NTM: variants seen among roughly 807,000 people sequenced by gnomAD.
The protein encoded by NTM is neurotrimin.
Under a neutral mutation model 42.1 loss-of-function variants are expected in NTM, and 13 were observed. The observed-to-expected ratio is 0.31, with a 90% CI of 0.20 to 0.49. The LOEUF (loss-of-function observed/expected upper bound fraction) is 0.49. NTM is among the 20% of genes least tolerant of loss of function. NTM has a pLI of 0.99. For missense variants in NTM, 373 were observed against 452.8 expected, an observed-to-expected ratio of 0.82 and a Z score of 1.60; for synonymous variants, 187 against 179.2, an observed-to-expected ratio of 1.04 and a Z score of -0.35.
chr11:131,528,856 G>A (rs887129552), intron 1 of NTM, among the ~76,000 whole-genome samples: 10 of 152,160 alleles, frequency 6.6e-5, no homozygotes, highest in Non-Finnish European at 2.9e-5. Context: ...CACACTTGAT[G>A]TTTAGACATT....
intron 1 of NTM, among the ~76,000 whole-genome samples, chr11:131,599,959 T>G (rs1479885764): frequency 6.6e-6 from 1 of 152,224 alleles, no homozygotes; most frequent in Non-Finnish European, 1.5e-5. Flanking sequence ...AGACAACAAT[T>G]GTTATAAACA....
chr11:131,569,464 T>A (rs1439088950), intron 1 of NTM, among the ~76,000 whole-genome samples: 8 of 152,330 alleles, frequency 5.3e-5, no homozygotes, highest in African/African-American at 1.7e-4. Context: ...GCTTTCTGTC[T>A]TTATAAATTT....
At chr11:131,805,496 TA>T (rs2092429387) in intron 1 of NTM, among the ~76,000 whole-genome samples, 1 of 152,218 alleles carries the variant, frequency 6.6e-6, no homozygotes, top group African/African-American at 2.4e-5. Flanking sequence ...CCGATTATAT[TA>T]GAATTTGGAT....
chr11:132,055,285 C>T (rs2135961556), intron 2 of NTM, among the ~76,000 whole-genome samples: 1 of 152,304 alleles, frequency 6.6e-6, no homozygotes, highest in Non-Finnish European at 1.5e-5. Flanking sequence ...TTTCACCTCT[C>T]AAAGACACTG....
intron 1 of NTM, among the ~76,000 whole-genome samples, chr11:131,551,407 G>T (rs2136913244): frequency 6.6e-6 from 1 of 151,696 alleles, no homozygotes; most frequent in East Asian, 1.9e-4. Context: ...TGGAAACACT[G>T]GGAGAGGTTC....
chr11:132,181,601 G>T (rs933637572), intron 3 of NTM, among the ~76,000 whole-genome samples: 13 of 152,184 alleles, frequency 8.5e-5, no homozygotes, highest in African/African-American at 3.1e-4. Context: ...AATTGACAGA[G>T]GTTTGATTCA....
chr11:132,100,755 C>T lies in NTM; in HGVS notation c.168-45527C>T, dbSNP rs371934889. Among the ~76,000 whole-genome samples, 254 of 152,286 alleles carry T rather than the reference C, an allele frequency of 1.7e-3. 3 individuals are homozygous for T. Among genetic ancestry groups the T allele is most frequent in the African/African-American group, 5.9e-3 (247 of 41,578 alleles). ...GTTCACTACCAGCGCCCCACCCCCA[C>T]GCATACATATACAGACACTGAGCTG... is the stretch of plus-strand genomic sequence containing the variant. On this transcript the variant is annotated intron_variant, in intron 2 of 8. Transcript: ENST00000683400.
chr11:131,905,607 G>A (rs2053753887), intron 1 of NTM, among the ~76,000 whole-genome samples: 2 of 151,958 alleles, frequency 1.3e-5, no homozygotes, highest in Non-Finnish European at 2.9e-5. Context: ...GGCACGATGA[G>A]AATCTCCCAT....
At chr11:132,043,834 T>C (rs1421318820) in intron 2 of NTM, among the ~76,000 whole-genome samples, 1 of 152,150 alleles carries the variant, frequency 6.6e-6, no homozygotes, top group Non-Finnish European at 1.5e-5. Context: ...TTTGGTGGTA[T>C]GAAATATATC....
chr11:131,436,529 G>A (rs747936983), intron 1 of NTM, among the ~76,000 whole-genome samples: 5 of 152,170 alleles, frequency 3.3e-5, no homozygotes, highest in Non-Finnish European at 7.3e-5. Context: ...TATGTGTCCA[G>A]AAATTTATCC....
chr11:131,980,773 A>T (rs969180556), intron 2 of NTM, among the ~76,000 whole-genome samples: 13 of 152,216 alleles, frequency 8.5e-5, no homozygotes, highest in African/African-American at 3.1e-4. Context: ...AAGTTAAACA[A>T]ATAAGTACAA....
At chr11:132,115,868 C>G (rs1337976581) in intron 2 of NTM, among the ~76,000 whole-genome samples, 1 of 152,220 alleles carries the variant, frequency 6.6e-6, no homozygotes, top group Non-Finnish European at 1.5e-5. Flanking sequence ...TTCATCAGCT[C>G]TCAACCTGGG....
intron 4 of NTM, among the ~76,000 whole-genome samples, chr11:132,230,827 G>T (rs1176711062): frequency 1.3e-5 from 2 of 152,174 alleles, no homozygotes; most frequent in Non-Finnish European, 2.9e-5. Flanking sequence ...TTCGAGACCA[G>T]CCTAGGCAAC....
chr11:131,992,906 A>G (rs930850678), intron 2 of NTM, among the ~76,000 whole-genome samples: 5 of 152,124 alleles, frequency 3.3e-5, no homozygotes, highest in African/African-American at 1.2e-4. Flanking sequence ...AAAGATACCC[A>G]TTATATAAAT....
chr11:131,816,498 G>A (rs1592056146), intron 1 of NTM, among the ~76,000 whole-genome samples: 1 of 151,636 alleles, frequency 6.6e-6, no homozygotes, highest in Admixed American at 6.6e-5. Flanking sequence ...ACGAAATGAC[G>A]GTAGTTGACT....
chr11:132,013,484 A>G (rs2072695477), intron 2 of NTM, among the ~76,000 whole-genome samples: 1 of 152,150 alleles, frequency 6.6e-6, no homozygotes, highest in Non-Finnish European at 1.5e-5. Context: ...TAAAAGAGGT[A>G]GCTAGTGGAG....
chr11:131,389,359 A>G (rs1370148457), intron 1 of NTM, among the ~76,000 whole-genome samples: 1 of 152,148 alleles, frequency 6.6e-6, no homozygotes, highest in Admixed American at 6.5e-5. Context: ...TGACAGAACA[A>G]TTTGCCGGTG....
chr11:132,212,979 A>G (rs1017546289), intron 4 of NTM, among the ~76,000 whole-genome samples: 1 of 152,300 alleles, frequency 6.6e-6, no homozygotes, highest in South Asian at 2.1e-4. Flanking sequence ...AGAGTATGCA[A>G]TATAACAGGT....
intron 1 of NTM, among the ~76,000 whole-genome samples, chr11:131,453,110 C>T (rs1242300528): frequency 6.6e-6 from 1 of 152,210 alleles, no homozygotes; most frequent in Admixed American, 6.5e-5. Context: ...TCTAAGTCCT[C>T]CCTTCTTGCC....
Sources: gnomAD v4.1 joint callset for allele counts (sites outside exome capture counted in the v4.1 genomes callset) on GRCh38, gnomAD v4.1.1 for gene constraint, MANE v1.5 for transcripts, NCBI Gene and HGNC (gene_info 2026-07-23, HGNC 2026-07-21) for gene names.